Variants in ADAMTSL1 observed in about 807,000 individuals in gnomAD.
The protein encoded by ADAMTSL1 is ADAMTS-like protein 1.
A neutral mutation model predicts 201.8 loss-of-function variants in ADAMTSL1; 126 were observed. That is an observed-to-expected ratio of 0.62 (90% CI 0.54 to 0.72). ADAMTSL1 has a LOEUF of 0.72. Among genes scored for constraint, ADAMTSL1 ranks in the 30% least tolerant of loss-of-function variants. The probability of loss-of-function intolerance (pLI) is 0.00; values close to 1 mark genes in which losing one functional copy is unlikely to be tolerated. For synonymous variants in ADAMTSL1, 1,121 were observed against 903.4 expected, an observed-to-expected ratio of 1.24 and a Z score of -4.32; for missense variants, 2,679 against 2,277.8, an observed-to-expected ratio of 1.18 and a Z score of -3.59.
intron 1 of ADAMTSL1, among the ~76,000 whole-genome samples, chr9:17,915,408 C>T (rs1826053842): frequency 6.6e-6 from 1 of 152,000 alleles, no homozygotes; most frequent in African/African-American, 2.4e-5. Flanking sequence ...GCTTTTATTC[C>T]TGAGTAGTAT....
intron 25 of ADAMTSL1, chr9:18,890,809 G>T (rs559219271): frequency 2.9e-4 from 96 of 329,416 alleles, no homozygotes; most frequent in African/African-American, 1.9e-3. Flanking sequence ...ATTCACCAGG[G>T]ATATAAGAGG....
chr9:18,040,975 T>A (rs1586935387), intron 1 of ADAMTSL1, among the ~76,000 whole-genome samples: 1 of 152,290 alleles, frequency 6.6e-6, no homozygotes, highest in African/African-American at 2.4e-5. Context: ...AAAATTTCAA[T>A]TTCTCAAGTG....
intron 1 of ADAMTSL1, among the ~76,000 whole-genome samples, chr9:17,974,143 T>C (rs1358760392): frequency 6.6e-6 from 1 of 152,022 alleles, no homozygotes; most frequent in Non-Finnish European, 1.5e-5. Context: ...AATATCATAC[T>C]GAATGGGCAA....
intron 1 of ADAMTSL1, among the ~76,000 whole-genome samples, chr9:18,136,130 G>C (rs1490401672): frequency 1.3e-5 from 2 of 152,104 alleles, no homozygotes; most frequent in African/African-American, 4.8e-5. Flanking sequence ...CATTTACAAG[G>C]CTCCGTAAGT....
chr9:18,728,552 T>C (rs764330209), intron 15 of ADAMTSL1, among the ~76,000 whole-genome samples: 3 of 152,164 alleles, frequency 2.0e-5, no homozygotes, highest in Non-Finnish European at 4.4e-5. Context: ...AACCCTGTCC[T>C]AAAGGAGTTA....
Position 18,538,830 on chromosome 9 carries a change from T to C in ADAMTSL1, c.237+5538T>C, listed in dbSNP as rs141749408. 9.3e-4 allele frequency among the ~76,000 whole-genome samples: 142 copies of C among 152,316 alleles called. 1 individual carries two copies. Among genetic ancestry groups the C allele is most frequent in the African/African-American group, 3.3e-3 (138 of 41,568 alleles). ...GTATATCACAAAGTCAGGAAACACT[T>C]GGTGCTTTATGTCAAGGATCAAATG... is the stretch of plus-strand genomic sequence containing the variant. On this transcript the variant is annotated intron_variant, in intron 3 of 28. Coordinates refer to ENST00000380548, the MANE Select transcript of ADAMTSL1 (RefSeq NM_001040272.6).
intron 23 of ADAMTSL1, among the ~76,000 whole-genome samples, chr9:18,844,366 G>T (rs7034036): frequency 6.6e-6 from 1 of 152,110 alleles, no homozygotes; most frequent in Admixed American, 6.5e-5. Flanking sequence ...CATGAACCGC[G>T]AATGCTGCTG....
chr9:18,758,024 C>T (rs1197962102), intron 16 of ADAMTSL1, among the ~76,000 whole-genome samples: 7 of 152,158 alleles, frequency 4.6e-5, no homozygotes, highest in Non-Finnish European at 1.0e-4. Flanking sequence ...CTAATATTAT[C>T]CCCATTTTGC....
intron 4 of ADAMTSL1, among the ~76,000 whole-genome samples, chr9:18,591,119 G>C (rs1341302144): frequency 6.6e-6 from 1 of 152,086 alleles, no homozygotes; most frequent in East Asian, 1.9e-4. Flanking sequence ...ATTGCTAAAA[G>C]TGGGGTGCCC....
intron 4 of ADAMTSL1, among the ~76,000 whole-genome samples, chr9:18,615,001 A>C (rs192608105): frequency 6.6e-6 from 1 of 152,322 alleles, no homozygotes; most frequent in African/African-American, 2.4e-5. Context: ...CTGAGTTTGC[A>C]ATTAAAAAAT....
At chr9:18,606,495 G>A (rs971788889) in intron 4 of ADAMTSL1, among the ~76,000 whole-genome samples, 5 of 152,180 alleles carry the variant, frequency 3.3e-5, no homozygotes, top group Admixed American at 1.3e-4. Flanking sequence ...TAGCTGATTA[G>A]TACATGTGGT....
chr9:18,414,806 G>GT, intron 2 of ADAMTSL1, among the ~76,000 whole-genome samples: 1 of 152,276 alleles, frequency 6.6e-6, no homozygotes, highest in East Asian at 1.9e-4. Context: ...ATACTGATCA[G>GT]TACATGCCTG....
At chr9:18,736,722 A>G (rs1818518471) in intron 15 of ADAMTSL1, among the ~76,000 whole-genome samples, 1 of 152,208 alleles carries the variant, frequency 6.6e-6, no homozygotes, top group Non-Finnish European at 1.5e-5. Context: ...TTCTCTTAAC[A>G]TATACAAAAA....
intron 23 of ADAMTSL1, among the ~76,000 whole-genome samples, chr9:18,886,211 T>TACAC (rs33989297): frequency 5.6e-4 from 59 of 105,866 alleles, no homozygotes; most frequent in African/African-American, 2.2e-3. Flanking sequence ...TATATATATA[T>TACAC]ACACACACAT....
intron 2 of ADAMTSL1, among the ~76,000 whole-genome samples, chr9:18,351,614 A>G (rs1835967965): frequency 6.6e-6 from 1 of 152,148 alleles, no homozygotes; most frequent in Non-Finnish European, 1.5e-5. Flanking sequence ...AGGGGAAAGA[A>G]CTCTGGCTAA....
intron 2 of ADAMTSL1, among the ~76,000 whole-genome samples, chr9:18,400,749 CATT>C (rs1011726218): frequency 2.0e-5 from 3 of 152,084 alleles, no homozygotes; most frequent in African/African-American, 7.2e-5. Flanking sequence ...TGCTTTTACT[CATT>C]ATTCACGTAT....
Position 17,985,167 on chromosome 9 carries a change from C to T in ADAMTSL1, c.87+78245C>T, listed in dbSNP as rs1267081819. On this transcript the variant is annotated intron_variant, in intron 1 of 29. Coordinates refer to the ADAMTSL1 transcript ENST00000680146. The stretch of plus-strand genomic sequence containing the variant: ...GCTTTTGCTTGAGACTTCACTCTGA[C>T]ATCTTTCTCTTTTTGGATGGTTAAT... Among the ~76,000 whole-genome samples the T allele has an allele frequency of 3.3e-5, 5 of 152,048 alleles. No homozygotes were observed. The South Asian group carries it at 6.2e-4, about 19-fold the overall frequency.
intron 1 of ADAMTSL1, among the ~76,000 whole-genome samples, chr9:18,093,339 T>C (rs1281102281): frequency 2.0e-5 from 3 of 152,340 alleles, no homozygotes; most frequent in South Asian, 2.1e-4. Flanking sequence ...CTTTGGCTAG[T>C]TGACTAGCAG....
intron 14 of ADAMTSL1, among the ~76,000 whole-genome samples, chr9:18,714,889 G>C (rs1235845983): frequency 6.7e-6 from 1 of 150,354 alleles, no homozygotes; most frequent in African/African-American, 2.4e-5. Flanking sequence ...ACATCAAAAA[G>C]CTTATCCACC....
Sources: allele counts gnomAD v4.1 joint callset (sites outside exome capture counted in the v4.1 genomes callset), GRCh38; gene constraint gnomAD v4.1.1; transcripts MANE v1.5; gene names NCBI Gene and HGNC (gene_info 2026-07-23, HGNC 2026-07-21).